Variants in ARRDC3 observed in about 807,000 individuals in gnomAD.
ARRDC3 encodes the protein arrestin domain containing 3.
A neutral mutation model predicts 47.2 loss-of-function variants in ARRDC3; 10 were observed. The ratio of observed to expected loss-of-function variants is 0.21; its 90% CI spans 0.13 to 0.36. The LOEUF (loss-of-function observed/expected upper bound fraction) is 0.36, where lower values mean the gene tolerates loss of function less well. Ranked by LOEUF, ARRDC3 falls within the 10% of genes least tolerant of loss-of-function variation. ARRDC3 has a pLI of 1.00. For synonymous variants in ARRDC3, 156 were observed against 178.3 expected, an observed-to-expected ratio of 0.87 and a Z score of 1.00; for missense variants, 381 against 503.6, an observed-to-expected ratio of 0.76 and a Z score of 2.33.
chr5:91,380,056 C>T (rs111819561), intron 1 of ARRDC3: 4 of 152,212 alleles, frequency 2.6e-5, no homozygotes, highest in Non-Finnish European at 5.9e-5. Flanking sequence ...TTTCTTCCCT[C>T]TTCGCTCCCT....
chr5:91,375,657 G>T, intron 3 of ARRDC3, 44 bp from the exon 4 acceptor site: 2 of 1,257,750 alleles, frequency 1.6e-6, no homozygotes, highest in African/African-American at 1.5e-5. Context: ...GTATGGATTG[G>T]TACAATCAAT....
chr5:91,374,778 TG>T, intron 5 of ARRDC3, 143 bp downstream of exon 5: 2 of 811,408 alleles, frequency 2.5e-6, no homozygotes, highest in Non-Finnish European at 3.8e-6. Context: ...CCCAACTACT[TG>T]GGAGCTGAGG....
intron 3 of ARRDC3, among the ~76,000 whole-genome samples, chr5:91,376,027 A>G (rs1419515802): frequency 6.6e-6 from 1 of 152,198 alleles, no homozygotes; most frequent in African/African-American, 2.4e-5. Context: ...AGACTATTAA[A>G]AAATCAATAT....
At chr5:91,381,995 CCTT>C (rs1389986358) in intron 1 of ARRDC3, among the ~76,000 whole-genome samples, 169 of 152,330 alleles carry the variant, frequency 1.1e-3, no homozygotes, top group African/African-American at 3.9e-3. Context: ...TCTCAGGACT[CCTT>C]CTCCTTTTGA....
chr5:91,372,031 T>C (rs949577867), intron 7 of ARRDC3, among the ~76,000 whole-genome samples: 1 of 152,154 alleles, frequency 6.6e-6, no homozygotes, highest in Admixed American at 6.6e-5. Context: ...AAAAACGCAG[T>C]GTATCAGGAA....
At position 91,373,674 on chromosome 5, in the gene ARRDC3, AG is replaced by A. The variant is rs1383055894; in HGVS notation, c.1188+9del. Reference sequence around the variant, plus strand: ...CCAGTTCATTTCATACTTAAGGAGTAGGTACTTACCTCTGAATAAAGAGGTG... The same window carrying A: ...CCAGTTCATTTCATACTTAAGGAGTAGTACTTACCTCTGAATAAAGAGGTG... On this transcript the variant is annotated intron_variant, in intron 7 of 7. Transcript: ENST00000265138. 2 of 1,606,138 alleles carry A rather than the reference AG, an allele frequency of 1.2e-6. No individual in the cohort carries two copies. The highest frequency in any genetic ancestry group is 1.7e-6 in the Non-Finnish European group (2 of 1,174,286).
Position 91,374,950 on chromosome 5 carries a change from C to T in ARRDC3, c.842G>A (p.Ser281Asn). Residue 281 changes from serine (S) to asparagine (N), a missense_variant, in exon 5 of 8, where the codon AGT becomes AAT. Transcript: ENST00000265138. The stretch of plus-strand genomic sequence containing the variant: ...TAGTGAATATTCCACGCGGATTATA[C>T]TACAGTCGAGGATAGAGGGAGAAAC... Reference protein sequence around the residue: ...PPVSPSILDCSIIRVEYSLMV... With the variant: ...PPVSPSILDCNIIRVEYSLMV... 6.2e-7 allele frequency: 1 copy of T among 1,614,162 alleles called. No homozygotes were observed.
intron 2 of ARRDC3, among the ~76,000 whole-genome samples, chr5:91,377,559 G>A (rs1349939007): frequency 2.1e-5 from 3 of 139,678 alleles, no homozygotes; most frequent in South Asian, 2.4e-4. Context: ...AAGAAACACT[G>A]GTGTTTTCAT....
chr5:91,370,274 C>CTTTTCCCTCCT lies in ARRDC3; in HGVS notation c.*1125_*1126insAGGAGGGAAAA. 1 of 152,546 alleles carries CTTTTCCCTCCT rather than the reference C, an allele frequency of 6.6e-6. No homozygotes were observed. Among genetic ancestry groups the CTTTTCCCTCCT allele is most frequent in the Non-Finnish European group, 1.5e-5 (1 of 68,034 alleles). The allele number at this position is 152,546 out of a possible 1,614,324, so 9.4% of individuals were successfully genotyped here. A position where few individuals can be genotyped will look rare whatever the true frequency, so the allele number is the denominator to read the frequency against. ...CCTCCTTTCCCCAGTGAATGGAAAACTTCCATACTTTCAAAATAATAATAA... is the reference window on the plus strand; with the variant it reads ...CCTCCTTTCCCCAGTGAATGGAAAACTTTTCCCTCCTTTCCATACTTTCAAAATAATAATAA... On this transcript the variant is annotated 3_prime_UTR_variant, in exon 8 of 8. Coordinates refer to ENST00000265138, the MANE Select transcript of ARRDC3 (RefSeq NM_020801.4).
intron 1 of ARRDC3, among the ~76,000 whole-genome samples, chr5:91,379,491 T>C (rs1561294861): frequency 6.6e-6 from 1 of 150,688 alleles, no homozygotes; most frequent in Non-Finnish European, 1.5e-5. Context: ...TGTCGGCTTA[T>C]AAGGAAACAA....
Position 91,369,290 on chromosome 5 carries a change from TCAAA to T in ARRDC3, c.*2106_*2109del, listed in dbSNP as rs1027515093. ...AAAAGGGATTTTCTGACAATCCCCC[TCAAA>T]CAAAAATAAAACCACCAAATGCCCT... is the stretch of plus-strand genomic sequence containing the variant. On this transcript the variant is annotated 3_prime_UTR_variant, in exon 8 of 8. Coordinates refer to ENST00000265138, the MANE Select transcript of ARRDC3 (RefSeq NM_020801.4). The T allele has an allele frequency of 6.6e-6, 1 of 152,456 alleles. No individual in the cohort carries two copies. Among genetic ancestry groups the T allele is most frequent in the African/African-American group, 2.4e-5 (1 of 41,412 alleles). The allele number at this position is 152,456 out of a possible 1,614,324, so 9.4% of individuals were successfully genotyped here.
chr5:91,379,257 C>T (rs1413866874), intron 1 of ARRDC3, among the ~76,000 whole-genome samples: 3 of 117,482 alleles, frequency 2.6e-5, no homozygotes, highest in African/African-American at 9.7e-5. Flanking sequence ...ATAGATACTC[C>T]AAAACCACTA....
intron 1 of ARRDC3, 30 bp downstream of exon 1, chr5:91,382,783 T>C: frequency 6.3e-7 from 1 of 1,588,926 alleles, no homozygotes; most frequent in Non-Finnish European, 8.6e-7. Flanking sequence ...AGAAAATGAG[T>C]CCAATGACTT....
intron 2 of ARRDC3, 114 bp from the exon 3 acceptor site, chr5:91,376,882 C>G: frequency 9.7e-7 from 1 of 1,032,748 alleles, no homozygotes; most frequent in African/African-American, 1.7e-5. Flanking sequence ...AATGAGGTAT[C>G]AAACATATAA....
At chr5:91,375,671 A>G in intron 3 of ARRDC3, 58 bp from the exon 4 acceptor site, 3 of 1,114,670 alleles carry the variant, frequency 2.7e-6, no homozygotes, top group Non-Finnish European at 3.8e-6. Context: ...AATCAATACC[A>G]GAATATTTTA....
In ARRDC3 at chr5:91,383,077, C is replaced by T. The variant is rs772437618; in HGVS notation, c.16G>A (p.Val6Met). 1 of 1,607,384 alleles carries T rather than the reference C, an allele frequency of 6.2e-7. No homozygotes were observed. The highest frequency in any genetic ancestry group is 8.5e-7 in the Non-Finnish European group (1 of 1,176,846). MVLGK[V>M]KSLTISFDCL... ...TCAAAGCTTATTGTCAAACTCTTCACCTTTCCCAGCACCATGTTTATAACA... is the reference window on the plus strand; with the variant it reads ...TCAAAGCTTATTGTCAAACTCTTCATCTTTCCCAGCACCATGTTTATAACA... Residue 6 changes from valine to methionine, a missense_variant, in exon 1 of 8, where the codon GTG (valine) becomes ATG (methionine). By Grantham distance (21) the Val-to-Met change is conservative (BLOSUM62 1). Coordinates refer to ENST00000265138, the MANE Select transcript of ARRDC3 (RefSeq NM_020801.4).
chr5:91,382,760 G>T (rs1799479958), intron 1 of ARRDC3, 53 bp downstream of exon 1: 9 of 1,535,016 alleles, frequency 5.9e-6, no homozygotes, highest in Admixed American at 1.9e-5. Context: ...AAACTGAAAA[G>T]GTACGTTTCC....
At position 91,375,134 on chromosome 5, in the gene ARRDC3, G is replaced by A; in HGVS notation, c.658C>T (p.Arg220Ter). 1 of 1,613,884 alleles carries A rather than the reference G, an allele frequency of 6.2e-7. No individual in the cohort carries two copies. The highest frequency in any genetic ancestry group is 8.5e-7 in the Non-Finnish European group (1 of 1,179,984). The change falls in exon 5 of 8, where the codon CGA (arginine) becomes TGA (stop). Residue 220 changes from arginine to a stop codon, truncating the protein, a stop_gained. Transcript: ENST00000265138. LOFTEE classifies it high-confidence loss of function. ...ATGGCTGCCTTTGGCACCACCATTC[G>A]GGAAGAGCAGTTCTCAATCTCAGCA... ...IFAEIENCSS[R>*]MVVPKAAIYQ...
rs1799483811 is a variant in ARRDC3 at position 91,382,986 on chromosome 5, A to G, written c.107T>C (p.Leu36Ser). ...TACTCTGATTTCCCCAGTAACTTCTAAATTTACCCTTCCTGAGACGGTATC... is the reference window on the plus strand; with the variant it reads ...TACTCTGATTTCCCCAGTAACTTCTGAATTTACCCTTCCTGAGACGGTATC... ...SGDTVSGRVN[L>S]EVTGEIRVKS... Residue 36 changes from leucine to serine, a missense_variant, in exon 1 of 8, where the codon TTA (leucine) becomes TCA (serine). Coordinates refer to ENST00000265138, the MANE Select transcript of ARRDC3 (RefSeq NM_020801.4). The G allele has an allele frequency of 6.2e-7, 1 of 1,614,026 alleles. No homozygotes were observed. Among genetic ancestry groups the G allele is most frequent in the African/African-American group, 1.3e-5 (1 of 74,934 alleles).
Sources: gnomAD v4.1 joint callset for allele counts (sites outside exome capture counted in the v4.1 genomes callset) on GRCh38, gnomAD v4.1.1 for gene constraint, MANE v1.5 for transcripts, NCBI Gene and HGNC (gene_info 2026-07-23, HGNC 2026-07-21) for gene names.